MIPEP: variants seen among roughly 807,000 people sequenced by gnomAD.
MIPEP encodes the protein mitochondrial intermediate peptidase.
MIPEP carries 79 observed loss-of-function variants against 90.3 expected under a neutral mutation model. The observed-to-expected ratio is 0.87, with a 90% CI of 0.73 to 1.05. MIPEP has a LOEUF of 1.05. Among genes scored for constraint, MIPEP ranks in the 50% least tolerant of loss-of-function variants. The pLI is 0.00. For synonymous variants in MIPEP, 334 were observed against 315.8 expected (o/e 1.06, Z -0.61); for missense variants, 940 against 905.6 (o/e 1.04, Z -0.49).
At chr13:23,841,040 G>A (rs76878166) in intron 11 of MIPEP, among the ~76,000 whole-genome samples, 1 of 152,104 alleles carries the variant, frequency 6.6e-6, no homozygotes, top group Admixed American at 6.5e-5. Context: ...TATATACAAA[G>A]TAAAGGACAA....
chr13:23,760,588 G>A (rs769999706), intron 16 of MIPEP: 1 of 537,722 alleles, frequency 1.9e-6, no homozygotes, highest in Non-Finnish European at 3.8e-6. Flanking sequence ...CAGAGGAAAG[G>A]CTGTCTGCAA....
chr13:23,734,437 T>C (rs1593122653), intron 18 of MIPEP, among the ~76,000 whole-genome samples: 1 of 152,336 alleles, frequency 6.6e-6, no homozygotes, highest in African/African-American at 2.4e-5. Flanking sequence ...TTCATCAGAC[T>C]GAGTCAAGGA....
At chr13:23,788,199 A>G (rs895705821) in intron 16 of MIPEP, among the ~76,000 whole-genome samples, 1 of 152,272 alleles carries the variant, frequency 6.6e-6, no homozygotes, top group Non-Finnish European at 1.5e-5. Flanking sequence ...TTAAAAAGAC[A>G]AAATCACACT....
At chr13:23,737,619 T>C (rs971237738) in intron 18 of MIPEP, among the ~76,000 whole-genome samples, 1 of 152,214 alleles carries the variant, frequency 6.6e-6, no homozygotes, top group Non-Finnish European at 1.5e-5. Context: ...AATGAACATA[T>C]AATCCAACCA....
At chr13:23,887,776 T>G (rs561037392) in intron 1 of MIPEP, among the ~76,000 whole-genome samples, 2 of 152,234 alleles carry the variant, frequency 1.3e-5, no homozygotes, top group African/African-American at 4.8e-5. Flanking sequence ...CAAGCCCTAC[T>G]GTTTCTACAA....
chr13:23,847,474 A>AAC (rs1555239488), intron 10 of MIPEP, among the ~76,000 whole-genome samples: 1 of 151,660 alleles, frequency 6.6e-6, no homozygotes, highest in East Asian at 1.9e-4. Flanking sequence ...TAAAAAAAAA[A>AAC]AAAAAACCCA....
chr13:23,888,992 A>G, intron 1 of MIPEP, 140 bp downstream of exon 1: 1 of 795,320 alleles, frequency 1.3e-6, no homozygotes, highest in Non-Finnish European at 1.8e-6. Context: ...GAGAGCGCAC[A>G]CAAGACGCCA....
At chr13:23,820,457 G>C (rs1280335234) in intron 14 of MIPEP, among the ~76,000 whole-genome samples, 2 of 152,090 alleles carry the variant, frequency 1.3e-5, no homozygotes, top group East Asian at 3.8e-4. Context: ...TTATAATCAG[G>C]TGATTTAATA....
chr13:23,883,526 A>G (rs921103695), intron 2 of MIPEP, among the ~76,000 whole-genome samples: 10 of 152,324 alleles, frequency 6.6e-5, no homozygotes, highest in African/African-American at 1.7e-4. Flanking sequence ...TATAACCGAC[A>G]CACAGCACAC....
intron 16 of MIPEP, among the ~76,000 whole-genome samples, chr13:23,771,563 A>ACG (rs1457159855): frequency 1.3e-5 from 2 of 151,316 alleles, no homozygotes; most frequent in Non-Finnish European, 1.5e-5. Context: ...ACACACACAC[A>ACG]CACACATCTG....
At chr13:23,835,471 T>C (rs1464793375) in intron 14 of MIPEP, among the ~76,000 whole-genome samples, 1 of 152,220 alleles carries the variant, frequency 6.6e-6, no homozygotes, top group Admixed American at 6.5e-5. Context: ...CCTCATTTAA[T>C]TTCTTTCAGT....
chr13:23,770,452 G>C (rs1952635999), intron 16 of MIPEP, among the ~76,000 whole-genome samples: 1 of 152,174 alleles, frequency 6.6e-6, no homozygotes, highest in African/African-American at 2.4e-5. Flanking sequence ...TGCTGTCTCA[G>C]TGCCAATTCC....
At chr13:23,733,362 C>G (rs1370802844) in intron 18 of MIPEP, among the ~76,000 whole-genome samples, 1 of 152,110 alleles carries the variant, frequency 6.6e-6, no homozygotes, top group African/African-American at 2.4e-5. Flanking sequence ...AAGAAGTGGT[C>G]TGGCGGGTAG....
At chr13:23,818,231 A>G (rs1279777955) in intron 14 of MIPEP, among the ~76,000 whole-genome samples, 1 of 151,440 alleles carries the variant, frequency 6.6e-6, no homozygotes, top group Non-Finnish European at 1.5e-5. Flanking sequence ...AGTCTGGCCA[A>G]CATGGTGAAA....
At chr13:23,748,923 C>T (rs1354120797) in intron 18 of MIPEP, among the ~76,000 whole-genome samples, 1 of 152,148 alleles carries the variant, frequency 6.6e-6, no homozygotes, top group Non-Finnish European at 1.5e-5. Flanking sequence ...AAATAAAAAG[C>T]AAAGACACCT....
intron 15 of MIPEP, among the ~76,000 whole-genome samples, chr13:23,808,365 C>A (rs1345123832): frequency 1.3e-5 from 2 of 152,122 alleles, no homozygotes; most frequent in African/African-American, 4.8e-5. Flanking sequence ...TCCCAACGTG[C>A]TGGGATTATA....
intron 18 of MIPEP, among the ~76,000 whole-genome samples, chr13:23,745,240 G>A (rs1952370017): frequency 6.6e-6 from 1 of 152,074 alleles, no homozygotes; most frequent in Non-Finnish European, 1.5e-5. Flanking sequence ...AAATGTAAAA[G>A]AAAATCAGGT....
chr13:23,731,048 A>G (rs2138472463), intron 18 of MIPEP, among the ~76,000 whole-genome samples: 1 of 152,332 alleles, frequency 6.6e-6, no homozygotes, highest in East Asian at 1.9e-4. Flanking sequence ...AGTAGAAGCA[A>G]TGAAGCACCA....
At position 23,853,221 on chromosome 13, in the gene MIPEP, C is replaced by T. The variant is rs191072148; in HGVS notation, c.1106+5639G>A. ...TGTCTATAAAGTCAATAATGGTGTA[C>T]GGTAATGTCCTAGGCCTTCACACTC... On this transcript the variant is annotated intron_variant, in intron 10 of 18. Transcript: ENST00000382172. 1.3e-3 allele frequency among the ~76,000 whole-genome samples: 196 copies of T among 152,182 alleles called. 2 individuals carry two copies. The highest frequency in any genetic ancestry group is 4.2e-3 in the African/African-American group (174 of 41,518).
Sources: allele counts gnomAD v4.1 joint callset (sites outside exome capture counted in the v4.1 genomes callset), GRCh38; gene constraint gnomAD v4.1.1; transcripts MANE v1.5; gene names NCBI Gene and HGNC (gene_info 2026-07-23, HGNC 2026-07-21).